The following ZC3H12B variants were observed in gnomAD, a reference collection of about 807,000 sequenced individuals.
ZC3H12B encodes the protein probable ribonuclease ZC3H12B.
Under a neutral mutation model 43.9 loss-of-function variants are expected in ZC3H12B, and 7 were observed. That is an observed-to-expected ratio of 0.16 (90% confidence interval 0.09 to 0.30). The LOEUF (loss-of-function observed/expected upper bound fraction) is 0.30. Among genes scored for constraint, ZC3H12B ranks in the 10% least tolerant of loss-of-function variants. The pLI is 1.00. For synonymous variants in ZC3H12B, 222 were observed against 241.7 expected, an observed-to-expected ratio of 0.92 and a Z score of 0.76; for missense variants, 475 against 670.2, an observed-to-expected ratio of 0.71 and a Z score of 3.22.
chrX:65,331,653 T>A, the ZC3H12B span, among the ~76,000 whole-genome samples: 1 of 110,767 alleles, frequency 9.0e-6, no homozygotes, highest in Non-Finnish European at 1.9e-5. Context: ...GGCTACTCTA[T>A]AAGCAGAGCA....
At chrX:65,112,215 C>A in the ZC3H12B span, among the ~76,000 whole-genome samples, 1 of 111,958 alleles carries the variant, frequency 8.9e-6, no homozygotes, top group South Asian at 3.7e-4. Context: ...AAGGCCCTAA[C>A]TGTCTTCAAT....
chrX:65,231,206 G>A, the ZC3H12B span, among the ~76,000 whole-genome samples: 2 of 110,836 alleles, frequency 1.8e-5, no homozygotes, highest in Non-Finnish European at 3.8e-5. Flanking sequence ...AAAAGGGGAG[G>A]GGGTGTACGA....
chrX:65,345,052 A>T, the ZC3H12B span, among the ~76,000 whole-genome samples: 1 of 112,291 alleles, frequency 8.9e-6, no homozygotes, highest in Admixed American at 9.4e-5. Flanking sequence ...AAAATAACAG[A>T]TGCTGCTGAG....
the ZC3H12B span, among the ~76,000 whole-genome samples, chrX:65,199,688 C>G: frequency 1.8e-5 from 2 of 110,876 alleles, no homozygotes; most frequent in African/African-American, 6.6e-5. Context: ...TAAGTGGGAA[C>G]ATGCAGTGTC....
chrX:65,262,547 TC>T, the ZC3H12B span, among the ~76,000 whole-genome samples: 1 of 111,441 alleles, frequency 9.0e-6, no homozygotes, highest in Admixed American at 9.5e-5. Flanking sequence ...CATAATAAGT[TC>T]CATCTCCCTA....
At chrX:65,406,582 C>G (rs1237587031) in intron 3 of ZC3H12B, among the ~76,000 whole-genome samples, 3 of 20,790 alleles carry the variant, frequency 1.4e-4, no homozygotes, top group African/African-American at 1.1e-3. Context: ...CTGGGCGGGG[C>G]TGGGCGGGGC....
the ZC3H12B span, among the ~76,000 whole-genome samples, chrX:65,251,454 G>GT: frequency 8.1e-5 from 9 of 111,415 alleles, no homozygotes; most frequent in Admixed American, 1.9e-4. Flanking sequence ...CTTTATAGTA[G>GT]TTTTTTTCCA....
chrX:65,412,398 T>G (rs1442428822), intron 3 of ZC3H12B, among the ~76,000 whole-genome samples: 4 of 112,198 alleles, frequency 3.6e-5, no homozygotes, highest in African/African-American at 6.5e-5. Context: ...TTGATGAATA[T>G]TTTGCCTATT....
At chrX:65,165,267 A>G in the ZC3H12B span, among the ~76,000 whole-genome samples, 1,370 of 111,658 alleles carry the variant, frequency 0.012, 19 homozygotes, top group African/African-American at 0.042. Context: ...TTTTAAATTT[A>G]TTTTATTTAT....
the ZC3H12B span, among the ~76,000 whole-genome samples, chrX:65,122,711 CA>C: frequency 7.3e-4 from 80 of 110,297 alleles, no homozygotes; most frequent in African/African-American, 2.5e-3. Context: ...AAATGGACAA[CA>C]AAAAAAGGCA....
At chrX:65,163,930 G>T in the ZC3H12B span, among the ~76,000 whole-genome samples, 3 of 111,734 alleles carry the variant, frequency 2.7e-5, no homozygotes, top group South Asian at 3.7e-4. Context: ...CCCTCTGCTG[G>T]CAGAGTTTTA....
the ZC3H12B span, among the ~76,000 whole-genome samples, chrX:65,278,383 C>T: frequency 1.8e-5 from 2 of 111,514 alleles, no homozygotes; most frequent in African/African-American, 6.5e-5. Flanking sequence ...CCGGGAATTG[C>T]ACACCCCTTT....
At chrX:65,302,496 T>G in the ZC3H12B span, among the ~76,000 whole-genome samples, 1 of 111,837 alleles carries the variant, frequency 8.9e-6, no homozygotes. Context: ...GAAACTCTGA[T>G]GAAAAAAATT....
At chrX:65,168,534 T>C in the ZC3H12B span, among the ~76,000 whole-genome samples, 1 of 110,640 alleles carries the variant, frequency 9.0e-6, no homozygotes, top group East Asian at 2.8e-4. Context: ...GGCTTTGGTA[T>C]CAGGATGATG....
intron 3 of ZC3H12B, among the ~76,000 whole-genome samples, chrX:65,470,715 AGCCCAGAGGCCCTGCTG>A (rs2067899751): frequency 9.0e-6 from 1 of 111,465 alleles, no homozygotes; most frequent in South Asian, 3.8e-4. Flanking sequence ...ATAGCTGCTG[AGCCCAGAGGCCCTGCTG>A]GCCCACTGGT....
intron 2 of ZC3H12B, among the ~76,000 whole-genome samples, chrX:65,375,297 T>C (rs1410873248): frequency 8.9e-6 from 1 of 111,749 alleles, no homozygotes; most frequent in East Asian, 2.8e-4. Context: ...ATCCCAGCAG[T>C]TGGAATTTGA....
At chrX:65,156,411 T>C in the ZC3H12B span, among the ~76,000 whole-genome samples, 4 of 111,757 alleles carry the variant, frequency 3.6e-5, no homozygotes, top group Non-Finnish European at 5.6e-5. Flanking sequence ...GACAGAGTCT[T>C]GCTCCATCGC....
chrX:65,242,393 G>A, the ZC3H12B span, among the ~76,000 whole-genome samples: 3,012 of 111,303 alleles, frequency 0.027, 48 homozygotes, highest in Non-Finnish European at 0.041. Flanking sequence ...ATTTACAATA[G>A]CCACAAATAA....
At chrX:65,069,953 G>A in the ZC3H12B span, among the ~76,000 whole-genome samples, 1 of 110,972 alleles carries the variant, frequency 9.0e-6, no homozygotes, top group Admixed American at 9.6e-5. Context: ...GATGATGCTG[G>A]CCTCATATAA....
Sources: gnomAD v4.1 joint callset for allele counts (sites outside exome capture counted in the v4.1 genomes callset) on GRCh38, gnomAD v4.1.1 for gene constraint, MANE v1.5 for transcripts, NCBI Gene and HGNC (gene_info 2026-07-23, HGNC 2026-07-21) for gene names.